Variants in ATP8A1 observed in about 807,000 individuals in gnomAD.
ATP8A1 encodes phospholipid-transporting ATPase IA.
Under a neutral mutation model 177.7 loss-of-function variants are expected in ATP8A1, and 90 were observed. The observed-to-expected ratio is 0.51, with a 90% confidence interval of 0.43 to 0.60. The LOEUF (loss-of-function observed/expected upper bound fraction) is 0.60. Ranked by LOEUF, ATP8A1 falls within the 20% of genes least tolerant of loss-of-function variation. The pLI, the probability that ATP8A1 is intolerant of heterozygous loss-of-function variation, is 0.00. For synonymous variants in ATP8A1, 493 were observed against 485.9 expected (o/e 1.01, Z -0.19); for missense variants, 1,072 against 1,392.8 (o/e 0.77, Z 3.67).
intron 1 of ATP8A1, among the ~76,000 whole-genome samples, chr4:42,639,424 A>T (rs1739724115): frequency 6.6e-6 from 1 of 152,232 alleles, no homozygotes; most frequent in Non-Finnish European, 1.5e-5. Flanking sequence ...TGTTGTTAAC[A>T]GATAATAAAA....
chr4:42,521,870 G>C (rs969522560), intron 22 of ATP8A1, among the ~76,000 whole-genome samples: 4 of 152,096 alleles, frequency 2.6e-5, no homozygotes, highest in Non-Finnish European at 5.9e-5. Flanking sequence ...CATATCCTCA[G>C]AGATCCAGAA....
chr4:42,613,437 T>C (rs1736573716), intron 5 of ATP8A1, among the ~76,000 whole-genome samples: 1 of 152,196 alleles, frequency 6.6e-6, no homozygotes, highest in South Asian at 2.1e-4. Flanking sequence ...AGTATTTGCA[T>C]ATAACCTATG....
At chr4:42,633,470 G>T (rs368215999) in intron 1 of ATP8A1, among the ~76,000 whole-genome samples, 7 of 151,936 alleles carry the variant, frequency 4.6e-5, no homozygotes, top group African/African-American at 1.7e-4. Context: ...CTATGTTTTG[G>T]GCATTTTAAA....
At chr4:42,560,450 G>A (rs970426174) in intron 15 of ATP8A1, among the ~76,000 whole-genome samples, 5 of 151,852 alleles carry the variant, frequency 3.3e-5, no homozygotes, top group Non-Finnish European at 7.4e-5. Context: ...TACACTAAAT[G>A]CACATTATAC....
intron 27 of ATP8A1, among the ~76,000 whole-genome samples, chr4:42,457,010 G>A (rs1718561706): frequency 6.6e-6 from 1 of 152,038 alleles, no homozygotes; most frequent in Non-Finnish European, 1.5e-5. Context: ...TTTATGAGAT[G>A]GAAAAGAAAA....
intron 10 of ATP8A1, among the ~76,000 whole-genome samples, chr4:42,580,299 A>T (rs539253433): frequency 4.5e-4 from 69 of 152,190 alleles, no homozygotes; most frequent in South Asian, 8.3e-4. Flanking sequence ...CTATGTAAGC[A>T]AACAGGGTAG....
At position 42,579,882 on chromosome 4, in the gene ATP8A1, C is replaced by G. The variant is rs1318930986; in HGVS notation, c.931G>C (p.Val311Leu). 1 of 1,613,740 alleles carries G rather than the reference C, an allele frequency of 6.2e-7. No individual in the cohort carries two copies. Among genetic ancestry groups the G allele is most frequent in the South Asian group, 1.1e-5 (1 of 91,002 alleles). Reference protein sequence around the residue: ...LFCILIAMSLVCSVGSAIWNR... With the variant: ...LFCILIAMSLLCSVGSAIWNR... ...CAAATGGCTGAGCCCACAGAACAGA[C>G]AAGAGACATGGCAATTAAGATACAA... The change falls in exon 11 of 37, where the codon GTC becomes CTC. Residue 311 changes from valine to leucine, a missense_variant. Transcript: ENST00000381668.
intron 29 of ATP8A1, among the ~76,000 whole-genome samples, chr4:42,453,434 TG>T (rs1372495781): frequency 6.6e-6 from 1 of 152,174 alleles, no homozygotes; most frequent in African/African-American, 2.4e-5. Context: ...AACACTCAAA[TG>T]GGTATAGAAA....
At chr4:42,572,676 A>C (rs1463101240) in intron 14 of ATP8A1, among the ~76,000 whole-genome samples, 2 of 152,216 alleles carry the variant, frequency 1.3e-5, no homozygotes, top group African/African-American at 4.8e-5. Context: ...CATAACTAAA[A>C]AGGAAACAGA....
At chr4:42,426,847 G>GT (rs1184088169) in intron 33 of ATP8A1, among the ~76,000 whole-genome samples, 1 of 152,144 alleles carries the variant, frequency 6.6e-6, no homozygotes, top group Admixed American at 6.5e-5. Flanking sequence ...ATAGGCCAAA[G>GT]TAAGAGATCC....
chr4:42,443,263 T>A (rs891177805), intron 33 of ATP8A1, among the ~76,000 whole-genome samples: 1 of 152,220 alleles, frequency 6.6e-6, no homozygotes, highest in Non-Finnish European at 1.5e-5. Flanking sequence ...TATGGTGTAA[T>A]TTTAAAATGG....
chr4:42,601,036 T>TTC lies in ATP8A1; in HGVS notation c.410-519_410-518insGA, dbSNP rs1553913928. The stretch of plus-strand genomic sequence containing the variant: ...AAGCAAAAACAACCCAAATTTTCTT[T>TTC]TTTTTTTTTTTTTTTTTGAGATGGA... On this transcript the variant is annotated intron_variant, in intron 5 of 36. Transcript: ENST00000381668. 3.1e-3 allele frequency among the ~76,000 whole-genome samples: 345 copies of TTC among 112,418 alleles called. 2 individuals carry two copies. The highest frequency in any genetic ancestry group is 4.7e-3 in the Admixed American group (54 of 11,470). The allele number at this position is 112,418 out of a possible 152,430, so 73.8% of individuals were successfully genotyped here. A position where few individuals can be genotyped will look rare whatever the true frequency, so the allele number is the denominator to read the frequency against.
intron 20 of ATP8A1, among the ~76,000 whole-genome samples, chr4:42,542,061 T>C (rs1228182276): frequency 7.3e-6 from 1 of 136,246 alleles, no homozygotes; most frequent in Non-Finnish European, 1.6e-5. Context: ...AGATCATGGA[T>C]TGTTACAAAT....
intron 25 of ATP8A1, among the ~76,000 whole-genome samples, chr4:42,480,990 G>A (rs919064585): frequency 6.6e-6 from 1 of 152,172 alleles, no homozygotes; most frequent in African/African-American, 2.4e-5. Context: ...CAGAACATAA[G>A]TTTCAAAATA....
chr4:42,492,462 T>C (rs1372501945), intron 24 of ATP8A1, among the ~76,000 whole-genome samples: 1 of 152,128 alleles, frequency 6.6e-6, no homozygotes, highest in Non-Finnish European at 1.5e-5. Context: ...AGTGATTAGG[T>C]CGTGAGGGTG....
intron 33 of ATP8A1, among the ~76,000 whole-genome samples, chr4:42,433,632 C>CCAAA (rs113747755): frequency 0.045 from 6,837 of 151,746 alleles, 159 homozygotes; most frequent in Middle Eastern, 0.089. Flanking sequence ...TTGGGTTATC[C>CCAAA]CAAACAAACA....
chr4:42,423,097 A>T (rs17630357), intron 34 of ATP8A1, among the ~76,000 whole-genome samples, 198 bp from the exon 35 acceptor site: 27,422 of 152,096 alleles, frequency 0.18, 2,985 homozygotes, highest in South Asian at 0.3. Flanking sequence ...ATGATGGTTT[A>T]GGTTTACAAT....
At chr4:42,450,384 C>T (rs545736864) in intron 30 of ATP8A1, among the ~76,000 whole-genome samples, 8 of 152,120 alleles carry the variant, frequency 5.3e-5, no homozygotes, top group Admixed American at 1.3e-4. Flanking sequence ...ATATGAATGT[C>T]GGGCATCAGA....
chr4:42,624,444 G>A (rs553837218), intron 4 of ATP8A1, 92 bp downstream of exon 4: 13 of 649,642 alleles, frequency 2.0e-5, no homozygotes, highest in Middle Eastern at 4.5e-4. Context: ...AACAGCCCAC[G>A]CCAAGAATTA....
Sources: gnomAD v4.1 joint callset for allele counts (sites outside exome capture counted in the v4.1 genomes callset) on GRCh38, gnomAD v4.1.1 for gene constraint, MANE v1.5 for transcripts, NCBI Gene and HGNC (gene_info 2026-07-23, HGNC 2026-07-21) for gene names.